The following SMPD3 variants were observed in gnomAD, a reference collection of about 807,000 sequenced individuals.
SMPD3 encodes the protein sphingomyelin phosphodiesterase 3, also known as nSMase-2.
SMPD3 carries 21 observed loss-of-function variants against 55.7 expected under a neutral mutation model. The observed-to-expected ratio is 0.38, with a 90% CI of 0.27 to 0.54. The LOEUF is 0.54. SMPD3 is among the 20% of genes least tolerant of loss of function. The pLI, the probability that SMPD3 is intolerant of heterozygous loss-of-function variation, is 0.80. For synonymous variants in SMPD3, 457 were observed against 404.3 expected (o/e 1.13, Z -1.56); for missense variants, 842 against 899.6 (o/e 0.94, Z 0.82).
chr16:68,413,183 G>A (rs1302637137), intron 1 of SMPD3, among the ~76,000 whole-genome samples: 1 of 152,234 alleles, frequency 6.6e-6, no homozygotes, highest in African/African-American at 2.4e-5. Context: ...TTTCCAGGGT[G>A]GTGGTGATGG....
intron 6 of SMPD3, 71 bp from the exon 7 acceptor site, chr16:68,363,630 G>A (rs932196589): frequency 6.7e-7 from 1 of 1,483,638 alleles, no homozygotes; most frequent in Non-Finnish European, 9.3e-7. Flanking sequence ...GGTGGCCTCT[G>A]TGGGTGGACA....
chr16:68,382,142 TGG>T (rs2089963369), intron 2 of SMPD3: 1 of 152,258 alleles, frequency 6.6e-6, no homozygotes, highest in South Asian at 2.1e-4. Flanking sequence ...GCGGTTGCTT[TGG>T]TGACACAGGT....
intron 1 of SMPD3, among the ~76,000 whole-genome samples, chr16:68,399,024 T>C (rs2090184187): frequency 6.6e-6 from 1 of 152,222 alleles, no homozygotes. Context: ...AGTCCCTCTG[T>C]TGATTCAAAC....
At chr16:68,427,977 G>A (rs1322233836) in intron 1 of SMPD3, among the ~76,000 whole-genome samples, 2 of 152,098 alleles carry the variant, frequency 1.3e-5, no homozygotes, top group African/African-American at 2.4e-5. Flanking sequence ...AGAGAGGGGA[G>A]GGTCTCATGC....
intron 1 of SMPD3, among the ~76,000 whole-genome samples, chr16:68,421,873 A>G (rs2090397791): frequency 6.6e-6 from 1 of 152,238 alleles, no homozygotes; most frequent in South Asian, 2.1e-4. Context: ...AGAACTGGTG[A>G]ATATGCTACT....
intron 2 of SMPD3, chr16:68,381,947 T>C (rs561718917): frequency 1.3e-5 from 2 of 152,200 alleles, no homozygotes; most frequent in African/African-American, 2.4e-5. Context: ...CTCTCAAGGA[T>C]AATGAAACAA....
intron 3 of SMPD3, among the ~76,000 whole-genome samples, chr16:68,366,280 G>A (rs985570038): frequency 2.6e-5 from 4 of 152,114 alleles, no homozygotes; most frequent in African/African-American, 7.2e-5. Flanking sequence ...TGCTGCAGTC[G>A]GTCAGGCTGG....
At chr16:68,421,460 G>A (rs773535662) in intron 1 of SMPD3, among the ~76,000 whole-genome samples, 76 of 152,330 alleles carry the variant, frequency 5.0e-4, no homozygotes, top group Middle Eastern at 6.8e-3. Flanking sequence ...TGGGGTGGGG[G>A]ATGAAGAGAC....
chr16:68,360,850 A>G lies in SMPD3; in HGVS notation c.*356T>C. On this transcript the variant is annotated 3_prime_UTR_variant, in exon 9 of 9. Coordinates refer to ENST00000219334, the MANE Select transcript of SMPD3 (RefSeq NM_018667.4). ...GCGAGACGACATTGGCAGCAGACAA[A>G]AATAAAGAACCCTGGACGAAGCTTA... is the stretch of plus-strand genomic sequence containing the variant. The G allele has an allele frequency of 4.5e-6, 1 of 223,158 alleles. No individual in the cohort carries two copies. The highest frequency in any genetic ancestry group is 5.2e-5 in the Admixed American group (1 of 19,190). 13.8% of individuals were successfully genotyped at this position (223,158 alleles called of 1,614,324 possible).
chr16:68,370,979 C>T lies in SMPD3; in HGVS notation c.1203G>A (p.Lys401=). ...VYGCQGCCSF[K]CLNSGLLFAS... is the part of the protein sequence containing the mutation. ...CAAAGAGGAGGCCGCTGTTGAGACA[C>T]TTGAAGCTGCAGCAGCCCTGGCAGC... Residue 401 remains lysine, a synonymous_variant, in exon 3 of 9, where the codon AAG becomes AAA. Transcript: ENST00000219334. 2 of 1,614,070 alleles carry T rather than the reference C, an allele frequency of 1.2e-6. No homozygotes were observed. Among genetic ancestry groups the T allele is most frequent in the Non-Finnish European group, 1.7e-6 (2 of 1,180,022 alleles).
At chr16:68,365,317 G>A (rs897723126) in intron 3 of SMPD3, among the ~76,000 whole-genome samples, 3 of 152,170 alleles carry the variant, frequency 2.0e-5, no homozygotes, top group Non-Finnish European at 2.9e-5. Context: ...GGCGTGGGGA[G>A]TGCTGGCGGC....
rs2089386905 is a variant in SMPD3, at chr16:68,363,700, G to C, written c.1645+77C>G. On this transcript the variant is annotated intron_variant, in intron 6 of 8. Coordinates refer to ENST00000219334, the MANE Select transcript of SMPD3 (RefSeq NM_018667.4). Reference sequence around the variant, plus strand: ...CCCTTCCCCAGCAGTGGGGTCTTGTGGGGTAGGTCCTGGTGATCTTTGAGG... The same window carrying C: ...CCCTTCCCCAGCAGTGGGGTCTTGTCGGGTAGGTCCTGGTGATCTTTGAGG... 34 of 1,469,898 alleles carry C rather than the reference G, an allele frequency of 2.3e-5. 2 individuals are homozygous for C. In the South Asian group the frequency reaches 3.9e-4, roughly 17 times the overall value. The allele number at this position is 1,469,898 out of a possible 1,614,324, so 91.1% of individuals were successfully genotyped here.
chr16:68,386,214 C>CA (rs34700652), intron 2 of SMPD3, among the ~76,000 whole-genome samples: 4,918 of 99,572 alleles, frequency 0.049, 229 homozygotes, highest in African/African-American at 0.15. Flanking sequence ...AGACGGGTCT[C>CA]AAAAAAAAAA....
At chr16:68,398,988 G>A (rs11863401) in intron 1 of SMPD3, among the ~76,000 whole-genome samples, 2,038 of 152,250 alleles carry the variant, frequency 0.013, 38 homozygotes, top group African/African-American at 0.046. Flanking sequence ...CTTTAATTAC[G>A]TTTCTTATTT....
In SMPD3 at chr16:68,404,883, G is replaced by C. The variant is rs972922868; in HGVS notation, c.-268-18224C>G. Among the ~76,000 whole-genome samples, 1 of 152,244 alleles carries C rather than the reference G, an allele frequency of 6.6e-6. No homozygotes were observed. Among genetic ancestry groups the C allele is most frequent in the Non-Finnish European group, 1.5e-5 (1 of 68,044 alleles). ...CCTTGGCAGCAGTAGAAATGGGGCG[G>C]CTCTGAACTTTCTCTCTGTAACCCC... On this transcript the variant is annotated intron_variant, in intron 1 of 8. Coordinates refer to ENST00000219334, the MANE Select transcript of SMPD3 (RefSeq NM_018667.4). This position sits in a 1 kb window ranked among gnomAD's most constrained non-coding sequence, Gnocchi z 4.0.
At chr16:68,400,435 A>C (rs73555291) in intron 1 of SMPD3, among the ~76,000 whole-genome samples, 2,805 of 152,338 alleles carry the variant, frequency 0.018, 100 homozygotes, top group African/African-American at 0.064. Flanking sequence ...GTTACAGGGC[A>C]AATCAGATAT....
chr16:68,407,863 G>C (rs552328141), intron 1 of SMPD3, among the ~76,000 whole-genome samples: 1 of 152,154 alleles, frequency 6.6e-6, no homozygotes, highest in African/African-American at 2.4e-5. Flanking sequence ...GAAAATAAAA[G>C]TTTCTACTGG....
At chr16:68,401,681 T>C (rs2090207317) in intron 1 of SMPD3, among the ~76,000 whole-genome samples, 2 of 152,128 alleles carry the variant, frequency 1.3e-5, no homozygotes, top group African/African-American at 2.4e-5. Flanking sequence ...AAGGGGAAGT[T>C]TCAGGGCACT....
chr16:68,371,131 C>G lies in SMPD3; in HGVS notation c.1051G>C (p.Ala351Pro). 2 of 1,613,908 alleles carry G rather than the reference C, an allele frequency of 1.2e-6. No homozygotes were observed. Among genetic ancestry groups the G allele is most frequent in the South Asian group, 1.1e-5 (1 of 91,086 alleles). ...PDEAFDHEVS[A>P]FFPANLDFLC... ...AAGTCCAGGTTGGCGGGGAAGAAGG[C>G]GGAGACCTCATGGTCGAAGGCCTCG... is the stretch of plus-strand genomic sequence containing the variant. Residue 351 changes from alanine (A) to proline (P), a missense_variant, in exon 3 of 9, where the codon GCC (alanine) becomes CCC (proline). This residue lies in a region of SMPD3 where 649 missense variants were observed against 643.6 expected (regional missense o/e 1.01). Coordinates refer to ENST00000219334, the MANE Select transcript of SMPD3 (RefSeq NM_018667.4).
Sources: allele counts gnomAD v4.1 joint callset (sites outside exome capture counted in the v4.1 genomes callset), GRCh38; gene constraint gnomAD v4.1.1; regional missense constraint gnomAD v4.1.1; non-coding constraint Gnocchi (gnomAD v3.1); transcripts MANE v1.5; gene names NCBI Gene and HGNC (gene_info 2026-07-23, HGNC 2026-07-21).